Variants in AGBL4 observed in about 807,000 individuals in gnomAD.
AGBL4 encodes cytosolic carboxypeptidase 6.
AGBL4 carries 58 observed loss-of-function variants against 66.4 expected under a neutral mutation model. The ratio of observed to expected loss-of-function variants is 0.87; its 90% CI spans 0.71 to 1.09. The LOEUF (loss-of-function observed/expected upper bound fraction) is 1.09, where lower values mean the gene tolerates loss of function less well. AGBL4 is among the 50% of genes least tolerant of loss of function. AGBL4 has a pLI of 0.00. For missense variants in AGBL4, 579 were observed against 631.0 expected, an observed-to-expected ratio of 0.92 and a Z score of 0.88; for synonymous variants, 234 against 222.9, an observed-to-expected ratio of 1.05 and a Z score of -0.44.
At chr1:49,329,571 C>T (rs537629951) in intron 3 of AGBL4, among the ~76,000 whole-genome samples, 13 of 152,078 alleles carry the variant, frequency 8.5e-5, no homozygotes, top group Admixed American at 2.6e-4. Flanking sequence ...GAGGCTGAGG[C>T]ATGAGAATTG....
chr1:48,951,854 G>A (rs537848979), intron 5 of AGBL4, among the ~76,000 whole-genome samples: 2 of 152,342 alleles, frequency 1.3e-5, no homozygotes, highest in African/African-American at 4.8e-5. Context: ...AAGCTAACAG[G>A]AAGTGTTGAG....
At chr1:49,070,444 G>T (rs1361355535) in intron 4 of AGBL4, among the ~76,000 whole-genome samples, 7 of 152,012 alleles carry the variant, frequency 4.6e-5, no homozygotes, top group Middle Eastern at 3.4e-3. Flanking sequence ...AGCATGAAGG[G>T]CTGTTGAATT....
intron 6 of AGBL4, among the ~76,000 whole-genome samples, chr1:48,797,761 G>A (rs1471976395): frequency 6.6e-6 from 1 of 152,080 alleles, no homozygotes; most frequent in African/African-American, 2.4e-5. Context: ...TGGCCAGGCT[G>A]GACTTGAACT....
chr1:49,612,216 A>G (rs1287349695), intron 3 of AGBL4, among the ~76,000 whole-genome samples: 2 of 152,188 alleles, frequency 1.3e-5, no homozygotes, highest in Non-Finnish European at 2.9e-5. Context: ...GAAAGCCCCT[A>G]TGCAGAGTAA....
intron 11 of AGBL4, among the ~76,000 whole-genome samples, chr1:48,574,416 T>C (rs1644616307): frequency 6.6e-6 from 1 of 152,202 alleles, no homozygotes; most frequent in Non-Finnish European, 1.5e-5. Context: ...AAATGATGGT[T>C]CCGAATACAC....
chr1:49,170,615 G>A (rs981319583), intron 4 of AGBL4, among the ~76,000 whole-genome samples: 13 of 146,582 alleles, frequency 8.9e-5, no homozygotes, highest in South Asian at 6.4e-4. Context: ...ATATTAATGT[G>A]TATATATTCA....
At chr1:49,338,940 A>G (rs1051925095) in intron 3 of AGBL4, among the ~76,000 whole-genome samples, 1 of 152,144 alleles carries the variant, frequency 6.6e-6, no homozygotes, top group African/African-American at 2.4e-5. Flanking sequence ...TGAATGGAGC[A>G]TTACAGAATT....
intron 9 of AGBL4, among the ~76,000 whole-genome samples, chr1:48,612,670 C>T (rs895838673): frequency 5.9e-5 from 9 of 152,068 alleles, no homozygotes; most frequent in African/African-American, 2.2e-4. Flanking sequence ...GAATAGATGG[C>T]TAAATAAAAG....
intron 3 of AGBL4, among the ~76,000 whole-genome samples, chr1:49,566,201 T>C (rs1644199849): frequency 6.6e-6 from 1 of 152,158 alleles, no homozygotes; most frequent in Non-Finnish European, 1.5e-5. Flanking sequence ...TATCCATTCG[T>C]CTAATTTTTT....
intron 3 of AGBL4, among the ~76,000 whole-genome samples, chr1:49,293,450 C>T (rs1644582765): frequency 6.6e-6 from 1 of 152,156 alleles, no homozygotes; most frequent in Non-Finnish European, 1.5e-5. Context: ...CCCAAGGATC[C>T]TATAACACTA....
chr1:49,262,639 TA>T (rs200524885), intron 3 of AGBL4, among the ~76,000 whole-genome samples: 9 of 151,384 alleles, frequency 5.9e-5, no homozygotes, highest in African/African-American at 2.2e-4. Flanking sequence ...TGGCGATCAT[TA>T]AAAGTCAGGA....
intron 2 of AGBL4, among the ~76,000 whole-genome samples, chr1:49,773,513 A>T (rs1358655058): frequency 6.6e-6 from 1 of 152,222 alleles, no homozygotes; most frequent in Non-Finnish European, 1.5e-5. Flanking sequence ...TGGACTCAGT[A>T]GAACTGGTCT....
At chr1:49,269,961 C>A (rs533391223) in intron 3 of AGBL4, among the ~76,000 whole-genome samples, 4 of 152,250 alleles carry the variant, frequency 2.6e-5, no homozygotes, top group South Asian at 2.1e-4. Flanking sequence ...GTTAAGGGAA[C>A]CTAGGACCTC....
At chr1:49,725,682 GT>G (rs58294452) in intron 2 of AGBL4, among the ~76,000 whole-genome samples, 719 of 119,056 alleles carry the variant, frequency 6.0e-3, no homozygotes, top group African/African-American at 0.014. Context: ...TCCTTTGTGG[GT>G]TTTTTTTTTT....
chr1:49,404,386 C>G (rs1329205055), intron 3 of AGBL4, among the ~76,000 whole-genome samples: 2 of 152,190 alleles, frequency 1.3e-5, no homozygotes, highest in Admixed American at 6.5e-5. Flanking sequence ...TTGCCACTAT[C>G]TTGATCATGG....
chr1:49,832,726 T>G (rs1645727008), intron 2 of AGBL4, among the ~76,000 whole-genome samples: 1 of 152,218 alleles, frequency 6.6e-6, no homozygotes, highest in South Asian at 2.1e-4. Context: ...GTGGTTTTGA[T>G]TTGCATTTCT....
intron 3 of AGBL4, among the ~76,000 whole-genome samples, chr1:49,604,285 G>C (rs559577024): frequency 6.6e-6 from 1 of 152,280 alleles, no homozygotes; most frequent in Admixed American, 6.5e-5. Flanking sequence ...AGGGTAACGT[G>C]GTACCTCGTT....
At chr1:48,600,910 G>C (rs1645064574) in intron 9 of AGBL4, among the ~76,000 whole-genome samples, 1 of 152,192 alleles carries the variant, frequency 6.6e-6, no homozygotes, top group Non-Finnish European at 1.5e-5. Context: ...TAGAGATCCA[G>C]GAAGAGCCAG....
chr1:49,286,378 A>T (rs1644410129), intron 3 of AGBL4, among the ~76,000 whole-genome samples: 1 of 151,636 alleles, frequency 6.6e-6, no homozygotes, highest in Non-Finnish European at 1.5e-5. Flanking sequence ...TAGGCAGGAG[A>T]AGGAAATAAA....
Sources: allele counts gnomAD v4.1 joint callset (sites outside exome capture counted in the v4.1 genomes callset), GRCh38; gene constraint gnomAD v4.1.1; transcripts MANE v1.5; gene names NCBI Gene and HGNC (gene_info 2026-07-23, HGNC 2026-07-21).